The following ELAVL2 variants were observed in gnomAD, a reference collection of about 807,000 sequenced individuals.
ELAVL2 encodes the protein ELAV like RNA binding protein 2.
ELAVL2 carries 4 observed loss-of-function variants against 34.6 expected under a neutral mutation model. The ratio of observed to expected loss-of-function variants is 0.12; its 90% CI spans 0.06 to 0.26. The LOEUF (loss-of-function observed/expected upper bound fraction) is 0.26, where lower values mean the gene tolerates loss of function less well. Ranked by LOEUF, ELAVL2 falls within the 10% of genes least tolerant of loss-of-function variation. The pLI, the probability that ELAVL2 is intolerant of heterozygous loss-of-function variation, is 1.00. For missense variants in ELAVL2, 432 were observed against 442.8 expected (o/e 0.98, Z 0.22); for synonymous variants, 193 against 154.8 (o/e 1.25, Z -1.83).
At chr9:23,701,319 G>A (rs1253237447) in intron 5 of ELAVL2, 60 bp downstream of exon 5, 3 of 1,571,424 alleles carry the variant, frequency 1.9e-6, no homozygotes, top group South Asian at 1.1e-5. Flanking sequence ...GTACTGGACA[G>A]TAAACCTGAG....
chr9:23,800,458 A>G (rs946027332), intron 1 of ELAVL2, among the ~76,000 whole-genome samples: 1 of 152,184 alleles, frequency 6.6e-6, no homozygotes, highest in Non-Finnish European at 1.5e-5. Flanking sequence ...TTACATGAGG[A>G]GAAGGACCTC....
intron 2 of ELAVL2, among the ~76,000 whole-genome samples, chr9:23,752,925 G>A (rs1564282451): frequency 6.6e-6 from 1 of 152,096 alleles, no homozygotes; most frequent in Non-Finnish European, 1.5e-5. Context: ...CTGAAAAGAT[G>A]GTTTTAACTG....
intron 2 of ELAVL2, among the ~76,000 whole-genome samples, chr9:23,758,638 A>G (rs1268029969): frequency 6.6e-6 from 1 of 152,168 alleles, no homozygotes; most frequent in Non-Finnish European, 1.5e-5. Context: ...CCAGTTAACA[A>G]CAAATGATTT....
intron 1 of ELAVL2, among the ~76,000 whole-genome samples, chr9:23,778,643 T>C (rs1042719224): frequency 1.3e-5 from 2 of 152,132 alleles, no homozygotes; most frequent in Non-Finnish European, 2.9e-5. Flanking sequence ...CTAAAGAGTA[T>C]ATGCTTTTCT....
intron 1 of ELAVL2, among the ~76,000 whole-genome samples, chr9:23,814,190 A>C (rs1448476663): frequency 6.6e-6 from 1 of 152,200 alleles, no homozygotes; most frequent in East Asian, 1.9e-4. Flanking sequence ...TGTGGCACAA[A>C]TAATTTGTCC....
intron 2 of ELAVL2, among the ~76,000 whole-genome samples, chr9:23,757,005 G>C (rs2053715535): frequency 6.6e-6 from 1 of 151,992 alleles, no homozygotes; most frequent in Non-Finnish European, 1.5e-5. Context: ...AAACTTTTTT[G>C]GGCTTCAAGA....
At chr9:23,760,748 C>G (rs2054788043) in intron 2 of ELAVL2, among the ~76,000 whole-genome samples, 1 of 151,996 alleles carries the variant, frequency 6.6e-6, no homozygotes, top group East Asian at 1.9e-4. Context: ...TGGCCGTTTG[C>G]TATGGATCAA....
At chr9:23,748,499 C>A (rs1588056945) in intron 2 of ELAVL2, among the ~76,000 whole-genome samples, 1 of 152,136 alleles carries the variant, frequency 6.6e-6, no homozygotes, top group African/African-American at 2.4e-5. Flanking sequence ...ACCCACTGTA[C>A]ATACACCAAC....
the ELAVL2 span, among the ~76,000 whole-genome samples, chr9:23,847,057 G>C: frequency 6.6e-6 from 1 of 152,024 alleles, no homozygotes; most frequent in Non-Finnish European, 1.5e-5. Context: ...CTGCATATAA[G>C]GCACTTACAT....
chr9:23,830,180 C>G (rs1387353199), upstream of ELAVL2: 1 of 152,254 alleles, frequency 6.6e-6, no homozygotes. Context: ...GGAATTGCAG[C>G]AAAAATGCCT....
intron 1 of ELAVL2, among the ~76,000 whole-genome samples, chr9:23,767,688 G>T (rs1240800489): frequency 6.6e-6 from 1 of 152,116 alleles, no homozygotes; most frequent in Non-Finnish European, 1.5e-5. Flanking sequence ...CAGGAGAATG[G>T]CTTGAACCCA....
At chr9:23,725,110 C>T (rs1300530396) in intron 3 of ELAVL2, among the ~76,000 whole-genome samples, 3 of 152,116 alleles carry the variant, frequency 2.0e-5, no homozygotes, top group Admixed American at 2.0e-4. Flanking sequence ...GGTTGAAATG[C>T]TGAGAAAGAT....
intron 1 of ELAVL2, among the ~76,000 whole-genome samples, chr9:23,808,103 G>A (rs1329471137): frequency 2.6e-5 from 4 of 152,064 alleles, no homozygotes; most frequent in African/African-American, 9.7e-5. Context: ...TTTAATTTTA[G>A]GACCTCTGTC....
chr9:23,818,419 G>A (rs1308820296), intron 1 of ELAVL2, among the ~76,000 whole-genome samples: 1 of 152,228 alleles, frequency 6.6e-6, no homozygotes, highest in Non-Finnish European at 1.5e-5. Context: ...CAACCATACC[G>A]GTTACAAGCT....
At chr9:23,797,649 C>T (rs933082468) in intron 1 of ELAVL2, among the ~76,000 whole-genome samples, 58 of 152,232 alleles carry the variant, frequency 3.8e-4, no homozygotes, top group African/African-American at 1.3e-3. Context: ...GTATGGGATG[C>T]GGGCGTGGTG....
At chr9:23,819,864 T>C (rs1437103495) in intron 1 of ELAVL2, among the ~76,000 whole-genome samples, 1 of 152,202 alleles carries the variant, frequency 6.6e-6, no homozygotes, top group Non-Finnish European at 1.5e-5. Flanking sequence ...CTTCCTCTTC[T>C]TTCTCTCCCC....
At chr9:23,773,219 G>A (rs1211030433) in intron 1 of ELAVL2, among the ~76,000 whole-genome samples, 4 of 152,180 alleles carry the variant, frequency 2.6e-5, no homozygotes, top group African/African-American at 9.7e-5. Context: ...AGTTAATAAT[G>A]TTTTTCAAAA....
intron 2 of ELAVL2, 61 bp downstream of exon 2, chr9:23,761,940 TTATTA>T: frequency 6.7e-7 from 1 of 1,495,042 alleles, no homozygotes; most frequent in Non-Finnish European, 8.9e-7. Flanking sequence ...AGCAGTAATC[TTATTA>T]TTTTCTCCTA....
chr9:23,842,806 A>T, the ELAVL2 span, among the ~76,000 whole-genome samples: 7 of 151,958 alleles, frequency 4.6e-5, no homozygotes, highest in African/African-American at 1.7e-4. Flanking sequence ...TGCTCAACTG[A>T]CTCTTGAGTT....
Sources: gnomAD v4.1 joint callset for allele counts (sites outside exome capture counted in the v4.1 genomes callset) on GRCh38, gnomAD v4.1.1 for gene constraint, MANE v1.5 for transcripts, NCBI Gene and HGNC (gene_info 2026-07-23, HGNC 2026-07-21) for gene names.